Variants in GRID1 observed in about 807,000 individuals in gnomAD.
GRID1 encodes the protein glutamate ionotropic receptor delta type subunit 1, also known as glutamate receptor ionotropic, delta-1.
In GRID1, 28 loss-of-function variants were observed where a neutral mutation model predicts 98.0. That is an observed-to-expected ratio of 0.29 (90% CI 0.21 to 0.39). GRID1 has a LOEUF of 0.39. Ranked by LOEUF, GRID1 falls within the 10% of genes least tolerant of loss-of-function variation. The pLI is 1.00. For missense variants in GRID1, 1,111 were observed against 1,340.5 expected (o/e 0.83, Z 2.67); for synonymous variants, 553 against 538.5 (o/e 1.03, Z -0.37).
At chr10:85,950,039 C>CAG (rs202196009) in intron 4 of GRID1, among the ~76,000 whole-genome samples, 17 of 151,648 alleles carry the variant, frequency 1.1e-4, no homozygotes, top group African/African-American at 3.4e-4. Flanking sequence ...AGATAGATAA[C>CAG]AGAGAGAGAG....
intron 2 of GRID1, among the ~76,000 whole-genome samples, chr10:86,262,943 C>A (rs1312395959): frequency 1.3e-5 from 2 of 151,956 alleles, no homozygotes; most frequent in Admixed American, 6.6e-5. Context: ...GCCCTCCCTC[C>A]CCCGAGAGCA....
intron 4 of GRID1, among the ~76,000 whole-genome samples, chr10:86,063,357 A>T (rs1843675160): frequency 6.6e-6 from 1 of 152,244 alleles, no homozygotes; most frequent in African/African-American, 2.4e-5. Flanking sequence ...TGAACTGGAC[A>T]ATGGAGAACA....
Position 86,183,358 on chromosome 10 carries a change from ATTTAT to A in GRID1, c.520+23001_520+23005del, listed in dbSNP as rs1452775827. 2.0e-5 allele frequency among the ~76,000 whole-genome samples: 3 copies of A among 151,382 alleles called. No homozygotes were observed. In the East Asian group the frequency reaches 5.8e-4, roughly 29 times the overall value. Reference sequence around the variant, plus strand: ...ACCACAATTATTTATTTATTTATTTATTTATTTATTTATTTATTGAGATAGAGTTT... The same window carrying A: ...ACCACAATTATTTATTTATTTATTTATTATTTATTTATTGAGATAGAGTTT... On this transcript the variant is annotated intron_variant, in intron 3 of 15. Coordinates refer to ENST00000327946, the MANE Select transcript of GRID1 (RefSeq NM_017551.3).
At chr10:85,646,119 T>A in intron 13 of GRID1, 1 of 153,300 alleles carries the variant, frequency 6.5e-6, no homozygotes, top group Non-Finnish European at 1.4e-5. Context: ...TGAGTGTGTG[T>A]GTGTGTGTGT....
At chr10:86,359,258 A>G (rs2114824) in intron 2 of GRID1, among the ~76,000 whole-genome samples, 59,007 of 152,132 alleles carry the variant, frequency 0.39, 13,230 homozygotes, top group Admixed American at 0.52. Flanking sequence ...TGAGGCTGCC[A>G]GGAGGACTGC....
At chr10:86,290,631 C>A (rs1316662914) in intron 2 of GRID1, among the ~76,000 whole-genome samples, 1 of 150,302 alleles carries the variant, frequency 6.7e-6, no homozygotes, top group African/African-American at 2.5e-5. Flanking sequence ...CCAGCCTGGG[C>A]AACAGAGCAA....
chr10:85,928,676 A>G (rs748298049), intron 4 of GRID1, among the ~76,000 whole-genome samples: 5 of 152,200 alleles, frequency 3.3e-5, no homozygotes, highest in Non-Finnish European at 7.3e-5. Context: ...ATGTATTTTT[A>G]AAATAATGAG....
chr10:85,718,705 G>A lies in GRID1; in HGVS notation c.1997+4298C>T, dbSNP rs542508314. Among the ~76,000 whole-genome samples the A allele has an allele frequency of 3.5e-4, 54 of 152,290 alleles. 1 individual carries two copies. Among genetic ancestry groups the A allele is most frequent in the Admixed American group, 1.9e-3 (29 of 15,294 alleles). ...GGTTGCACACAGCACAGGGACCTAGGGCCCAGCCCATGACACCACATTTTG... is the reference window on the plus strand; with the variant it reads ...GGTTGCACACAGCACAGGGACCTAGAGCCCAGCCCATGACACCACATTTTG... On this transcript the variant is annotated intron_variant, in intron 12 of 15. Coordinates refer to ENST00000327946, the MANE Select transcript of GRID1 (RefSeq NM_017551.3).
intron 4 of GRID1, among the ~76,000 whole-genome samples, chr10:86,093,833 C>T (rs1319631310): frequency 6.6e-6 from 1 of 152,180 alleles, no homozygotes; most frequent in Admixed American, 6.5e-5. Flanking sequence ...GGAACCCTCC[C>T]TAATTCATTC....
chr10:85,730,968 C>T (rs530208115), intron 8 of GRID1, among the ~76,000 whole-genome samples: 102 of 152,278 alleles, frequency 6.7e-4, no homozygotes, highest in African/African-American at 2.2e-3. Context: ...ATAAGACCCC[C>T]TAGTTAACCT....
intron 5 of GRID1, among the ~76,000 whole-genome samples, chr10:85,908,956 G>A (rs144250115): frequency 3.2e-4 from 49 of 152,246 alleles, no homozygotes; most frequent in African/African-American, 1.1e-3. Flanking sequence ...AATTTAAAAT[G>A]TCTGTTCTTC....
At chr10:85,623,333 C>A (rs1176656258) in intron 13 of GRID1, among the ~76,000 whole-genome samples, 1 of 152,148 alleles carries the variant, frequency 6.6e-6, no homozygotes, top group African/African-American at 2.4e-5. Flanking sequence ...GTTAAAATAT[C>A]CCACCCATCA....
intron 2 of GRID1, among the ~76,000 whole-genome samples, chr10:86,321,121 C>CA (rs5786735): frequency 0.69 from 99,888 of 144,742 alleles, 36,886 homozygotes; most frequent in Non-Finnish European, 0.83. Context: ...AGAAAAAAAG[C>CA]AAAAAAAAAA....
chr10:85,725,779 A>G lies in GRID1; in HGVS notation c.1534-1103T>C, dbSNP rs17105803. On this transcript the variant is annotated intron_variant, in intron 10 of 15. Coordinates refer to ENST00000327946, the MANE Select transcript of GRID1 (RefSeq NM_017551.3). Reference sequence around the variant, plus strand: ...ATGTAGGCTAGGGACAGATATACTCATGTCCTAAACAGAAATCTAATACTA... The same window carrying G: ...ATGTAGGCTAGGGACAGATATACTCGTGTCCTAAACAGAAATCTAATACTA... 8.9e-3 allele frequency among the ~76,000 whole-genome samples: 1,356 copies of G among 152,298 alleles called. 60 individuals are homozygous for G. The East Asian group carries it at 0.14, about 15-fold the overall frequency.
Position 85,980,609 on chromosome 10 carries a change from C to T in GRID1, c.727-64370G>A, listed in dbSNP as rs145743261. ...CAGACAAACCTCCCTGCTCCTTCTTCCCTATGGAAAACACACTCGTGTTCC... is the reference window on the plus strand; with the variant it reads ...CAGACAAACCTCCCTGCTCCTTCTTTCCTATGGAAAACACACTCGTGTTCC... On this transcript the variant is annotated intron_variant, in intron 4 of 15. Coordinates refer to ENST00000327946, the MANE Select transcript of GRID1 (RefSeq NM_017551.3). Among the ~76,000 whole-genome samples the T allele has an allele frequency of 2.0e-4, 30 of 152,320 alleles. No individual in the cohort carries two copies. In the East Asian group the frequency reaches 5.4e-3, roughly 27 times the overall value.
intron 13 of GRID1, among the ~76,000 whole-genome samples, chr10:85,635,428 C>T (rs1333592018): frequency 2.0e-5 from 3 of 152,332 alleles, no homozygotes; most frequent in African/African-American, 7.2e-5. Context: ...CCCCTGCCCC[C>T]TCCTTGCCCT....
rs1487658789 is a variant in GRID1 at position 85,831,990 on chromosome 10, G to T, written c.1233+22506C>A. Among the ~76,000 whole-genome samples, 3 of 151,656 alleles carry T rather than the reference G, an allele frequency of 2.0e-5. No homozygotes were observed. In the East Asian group the frequency reaches 5.8e-4, roughly 29 times the overall value. On this transcript the variant is annotated intron_variant, in intron 8 of 15. Transcript: ENST00000327946. Reference sequence around the variant, plus strand: ...ATTTTAAACAAAACAAAGTAATAAGGCCAAAATTTGTTTTTTGAAAAGAAT... The same window carrying T: ...ATTTTAAACAAAACAAAGTAATAAGTCCAAAATTTGTTTTTTGAAAAGAAT...
chr10:85,964,079 G>A (rs1246181412), intron 4 of GRID1, among the ~76,000 whole-genome samples: 1 of 152,060 alleles, frequency 6.6e-6, no homozygotes, highest in Non-Finnish European at 1.5e-5. Flanking sequence ...AACTTAAAAG[G>A]GATATGAAGG....
chr10:85,652,988 A>G (rs1840845557), intron 12 of GRID1, among the ~76,000 whole-genome samples: 2 of 152,220 alleles, frequency 1.3e-5, no homozygotes, highest in Non-Finnish European at 1.5e-5. Context: ...CAGCAACAAT[A>G]CAATAACTAG....
Sources: allele counts gnomAD v4.1 joint callset (sites outside exome capture counted in the v4.1 genomes callset), GRCh38; gene constraint gnomAD v4.1.1; transcripts MANE v1.5; gene names NCBI Gene and HGNC (gene_info 2026-07-23, HGNC 2026-07-21).